Variants in FHIT observed in about 807,000 individuals in gnomAD.
FHIT encodes the protein fragile histidine triad diadenosine triphosphatase.
A neutral mutation model predicts 17.9 loss-of-function variants in FHIT; 19 were observed. The ratio of observed to expected loss-of-function variants is 1.06; its 90% confidence interval spans 0.74 to 1.56. FHIT has a LOEUF of 1.56. FHIT is among the 40% of genes most tolerant of loss of function. The pLI is 0.00. For synonymous variants in FHIT, 81 were observed against 69.7 expected (o/e 1.16, Z -0.81); for missense variants, 248 against 189.2 (o/e 1.31, Z -1.82).
At chr3:60,585,196 C>T (rs2037867772) in intron 4 of FHIT, among the ~76,000 whole-genome samples, 1 of 151,868 alleles carries the variant, frequency 6.6e-6, no homozygotes, top group African/African-American at 2.4e-5. Context: ...AGCTGAGTGG[C>T]CTATAACTAA....
intron 4 of FHIT, among the ~76,000 whole-genome samples, chr3:60,801,685 T>C (rs1553732348): frequency 6.6e-6 from 1 of 152,232 alleles, no homozygotes; most frequent in Non-Finnish European, 1.5e-5. Flanking sequence ...TATTGGGCTC[T>C]CTGTATTTTT....
intron 3 of FHIT, among the ~76,000 whole-genome samples, chr3:60,853,866 CA>C (rs1338416151): frequency 6.6e-6 from 1 of 152,238 alleles, no homozygotes; most frequent in Non-Finnish European, 1.5e-5. Context: ...TCCACATACA[CA>C]AAAACACCTG....
intron 4 of FHIT, among the ~76,000 whole-genome samples, chr3:60,700,190 G>A (rs1193035170): frequency 1.3e-5 from 2 of 149,724 alleles, no homozygotes; most frequent in Non-Finnish European, 1.5e-5. Flanking sequence ...AAGTCAATAC[G>A]CTATCCCAGC....
intron 8 of FHIT, among the ~76,000 whole-genome samples, chr3:59,851,140 CCAGA>C (rs1209964835): frequency 6.6e-6 from 1 of 152,070 alleles, no homozygotes; most frequent in Non-Finnish European, 1.5e-5. Context: ...TGGCTGAGTT[CCAGA>C]CAGTCAGCTG....
At chr3:60,039,878 T>A (rs1236689273) in intron 5 of FHIT, among the ~76,000 whole-genome samples, 1 of 152,186 alleles carries the variant, frequency 6.6e-6, no homozygotes, top group African/African-American at 2.4e-5. Context: ...AATGTCCTCA[T>A]CTGTGAAATG....
intron 5 of FHIT, among the ~76,000 whole-genome samples, chr3:60,325,366 A>G (rs912985555): frequency 6.6e-6 from 1 of 152,194 alleles, no homozygotes; most frequent in African/African-American, 2.4e-5. Flanking sequence ...ATGCAGTATG[A>G]GTATTAGAGT....
chr3:60,781,826 A>AT (rs1700398327), intron 4 of FHIT, among the ~76,000 whole-genome samples: 2 of 152,156 alleles, frequency 1.3e-5, no homozygotes, highest in Admixed American at 1.3e-4. Flanking sequence ...AAATTATTTC[A>AT]TTTTTTTCAT....
intron 3 of FHIT, among the ~76,000 whole-genome samples, chr3:60,919,873 A>C (rs1330069079): frequency 6.6e-6 from 1 of 152,086 alleles, no homozygotes; most frequent in Non-Finnish European, 1.5e-5. Context: ...ATCTCTACTA[A>C]AAATACAAAA....
rs150105585 is a variant in FHIT, at chr3:60,540,743, A to C, written c.-17-3764T>G. On this transcript the variant is annotated intron_variant, in intron 4 of 9. Coordinates refer to ENST00000492590, the MANE Select transcript of FHIT (RefSeq NM_002012.4). The stretch of plus-strand genomic sequence containing the variant: ...ATTCTCAATGACACAGAAGACAGAG[A>C]GCTGTGCAAATGTCACTTACTATGG... Among the ~76,000 whole-genome samples, 660 of 152,312 alleles carry C rather than the reference A, an allele frequency of 4.3e-3. 5 individuals carry two copies. Among genetic ancestry groups the C allele is most frequent in the South Asian group, 0.021 (101 of 4,822 alleles).
At chr3:60,335,203 T>G (rs1388138006) in intron 5 of FHIT, among the ~76,000 whole-genome samples, 1 of 152,268 alleles carries the variant, frequency 6.6e-6, no homozygotes, top group East Asian at 1.9e-4. Flanking sequence ...GGCTCTTGTG[T>G]TTAAATAGAG....
intron 5 of FHIT, among the ~76,000 whole-genome samples, chr3:60,035,596 T>G (rs940481510): frequency 6.6e-6 from 1 of 152,098 alleles, no homozygotes; most frequent in East Asian, 1.9e-4. Flanking sequence ...AACTTTCAGT[T>G]TGGGGGTAGA....
intron 5 of FHIT, among the ~76,000 whole-genome samples, chr3:60,184,902 T>G (rs1248834462): frequency 6.6e-6 from 1 of 152,216 alleles, no homozygotes; most frequent in Non-Finnish European, 1.5e-5. Flanking sequence ...AAGCGACCCA[T>G]CTTTGGCGCT....
At chr3:60,273,250 G>C (rs1217080004) in intron 5 of FHIT, among the ~76,000 whole-genome samples, 2 of 152,098 alleles carry the variant, frequency 1.3e-5, no homozygotes, top group African/African-American at 2.4e-5. Flanking sequence ...GTATTTCTTT[G>C]AATTAATATC....
chr3:60,498,773 TA>T (rs758713372), intron 5 of FHIT, among the ~76,000 whole-genome samples: 1 of 151,998 alleles, frequency 6.6e-6, no homozygotes, highest in Non-Finnish European at 1.5e-5. Flanking sequence ...ACCTGTGAAA[TA>T]AAAACCTACT....
intron 8 of FHIT, among the ~76,000 whole-genome samples, chr3:59,902,356 T>C (rs896471868): frequency 2.6e-5 from 4 of 151,942 alleles, no homozygotes; most frequent in African/African-American, 9.7e-5. Context: ...AAATGTAAAC[T>C]TGTACAGCCA....
chr3:59,969,289 A>G (rs944407998), intron 7 of FHIT, among the ~76,000 whole-genome samples: 1 of 152,110 alleles, frequency 6.6e-6, no homozygotes, highest in African/African-American at 2.4e-5. Context: ...ATCACATTCT[A>G]AGCAATTGTT....
chr3:60,028,883 T>C (rs1700864556), intron 5 of FHIT, among the ~76,000 whole-genome samples: 1 of 152,078 alleles, frequency 6.6e-6, no homozygotes, highest in South Asian at 2.1e-4. Context: ...TCCTATTTCA[T>C]GACATTGAAA....
At chr3:60,597,847 G>A (rs1426428213) in intron 4 of FHIT, among the ~76,000 whole-genome samples, 2 of 152,126 alleles carry the variant, frequency 1.3e-5, no homozygotes, top group Non-Finnish European at 2.9e-5. Flanking sequence ...AAGCTAAGCA[G>A]CTGAGAGATA....
rs116815802 is a variant in FHIT at position 60,800,120 on chromosome 3, C to T, written c.-18+21799G>A. On this transcript the variant is annotated intron_variant, in intron 4 of 9. Coordinates refer to ENST00000492590, the MANE Select transcript of FHIT (RefSeq NM_002012.4). ...CCAACTAATGATTTTCAAGCCCACT[C>T]AGATCCTTTATTCATGCTGTATTTC... is the stretch of plus-strand genomic sequence containing the variant. 3.4e-3 allele frequency among the ~76,000 whole-genome samples: 517 copies of T among 152,238 alleles called. 4 individuals are homozygous for T. Among genetic ancestry groups the T allele is most frequent in the African/African-American group, 0.012 (493 of 41,542 alleles).
Sources: allele counts gnomAD v4.1 joint callset (sites outside exome capture counted in the v4.1 genomes callset), GRCh38; gene constraint gnomAD v4.1.1; transcripts MANE v1.5; gene names NCBI Gene and HGNC (gene_info 2026-07-23, HGNC 2026-07-21).